PAQR7: variants seen among roughly 807,000 people sequenced by gnomAD.
The protein encoded by PAQR7 is membrane progestin receptor alpha.
A neutral mutation model predicts 24.6 loss-of-function variants in PAQR7; 14 were observed. That is an observed-to-expected ratio of 0.57 (90% CI 0.38 to 0.89). The LOEUF (loss-of-function observed/expected upper bound fraction) is 0.89, where lower values mean the gene tolerates loss of function less well. Among genes scored for constraint, PAQR7 ranks in the 40% least tolerant of loss-of-function variants. The pLI is 0.00. For synonymous variants in PAQR7, 189 were observed against 198.8 expected, an observed-to-expected ratio of 0.95 and a Z score of 0.42; for missense variants, 351 against 444.0, an observed-to-expected ratio of 0.79 and a Z score of 1.88.
At position 25,875,139 on chromosome 1, in the gene PAQR7, C is replaced by T. The variant is rs998261818; in HGVS notation, c.-109+349G>A. Among the ~76,000 whole-genome samples the T allele has an allele frequency of 1.2e-4, 19 of 152,278 alleles. No individual in the cohort carries two copies. The highest frequency in any genetic ancestry group is 3.8e-4 in the African/African-American group (16 of 41,570). On this transcript the variant is annotated intron_variant, in intron 1 of 2. Coordinates refer to ENST00000675840, the MANE Select transcript of PAQR7 (RefSeq NM_178422.6). The surrounding 1 kb of genome is among the most constrained non-coding windows in gnomAD (Gnocchi z 5.4). The stretch of plus-strand genomic sequence containing the variant: ...TCCTTCATTTTCTCCAAGCAGCCCT[C>T]CCCTCCCCTGCTCACTGGACAAACA...
At chr1:25,874,086 T>C (rs1031599102) in intron 1 of PAQR7, among the ~76,000 whole-genome samples, 8 of 152,092 alleles carry the variant, frequency 5.3e-5, no homozygotes, top group African/African-American at 1.9e-4. Context: ...TTTCTCCATG[T>C]TGGTCAGGCT....
In PAQR7 at chr1:25,861,942, G is replaced by T. The variant is rs1399886906; in HGVS notation, c.*857C>A. ...GAGGCAGGAAAATCGCTTGAACCTG[G>T]GAGGCGGAGGTGCAGTGAGCCGAGA... On this transcript the variant is annotated 3_prime_UTR_variant, in exon 3 of 3. Coordinates refer to ENST00000675840, the MANE Select transcript of PAQR7 (RefSeq NM_178422.6). 1 of 146,704 alleles carries T rather than the reference G, an allele frequency of 6.8e-6. No individual in the cohort carries two copies. Among genetic ancestry groups the T allele is most frequent in the Non-Finnish European group, 1.5e-5 (1 of 67,576 alleles). The allele number at this position is 146,704 out of a possible 1,614,324, so 9.1% of individuals were successfully genotyped here. A position where few individuals can be genotyped will look rare whatever the true frequency, so the allele number is the denominator to read the frequency against.
At chr1:25,874,310 G>A (rs943492170) in intron 1 of PAQR7, among the ~76,000 whole-genome samples, 1 of 151,924 alleles carries the variant, frequency 6.6e-6, no homozygotes, top group Non-Finnish European at 1.5e-5. Context: ...CTCCCAAAGC[G>A]CTGGGATTAT....
At position 25,862,943 on chromosome 1, in the gene PAQR7, G is replaced by A; in HGVS notation, c.897C>T (p.Ala299=). 6.2e-7 allele frequency: 1 copy of A among 1,614,176 alleles called. No homozygotes were observed. The highest frequency in any genetic ancestry group is 8.5e-7 in the Non-Finnish European group (1 of 1,180,050). Residue 299 remains alanine, a synonymous_variant, in exon 3 of 3, where the codon GCC becomes GCT. Coordinates refer to ENST00000675840, the MANE Select transcript of PAQR7 (RefSeq NM_178422.6). ...GCAGAGGCTCATAGATGGGCCGTCG[G>A]GCCTCATAGTCCAGTGCCACAGCCT... ...QLEAVALDYE[A]RRPIYEPLHT...
At chr1:25,866,150 C>A (rs2048555385) in intron 2 of PAQR7, among the ~76,000 whole-genome samples, 1 of 152,100 alleles carries the variant, frequency 6.6e-6, no homozygotes. Flanking sequence ...AGGCCCTCCC[C>A]CAACTGCCCA....
chr1:25,874,456 C>T (rs1284488419), intron 1 of PAQR7, among the ~76,000 whole-genome samples: 1 of 152,196 alleles, frequency 6.6e-6, no homozygotes, highest in East Asian at 1.9e-4. Context: ...TATAGTCACC[C>T]AGCATGGGGC....
chr1:25,865,986 CA>C (rs111451589), intron 2 of PAQR7, among the ~76,000 whole-genome samples: 13,180 of 97,364 alleles, frequency 0.14, 1,882 homozygotes, highest in African/African-American at 0.38. Flanking sequence ...AACTCCGTCT[CA>C]AAAAAAAAAA....
rs918294104 is a variant in PAQR7, at chr1:25,875,272, T to G, written c.-109+216A>C. Among the ~76,000 whole-genome samples the G allele has an allele frequency of 1.3e-5, 2 of 152,196 alleles. No homozygotes were observed. Among genetic ancestry groups the G allele is most frequent in the African/African-American group, 2.4e-5 (1 of 41,452 alleles). ...AGCTCCTCCTTCCTGCGCCCTCCGC[T>G]GGCTGCTTCCCCGGGCGGGCGTCCT... On this transcript the variant is annotated intron_variant, in intron 1 of 2. Coordinates refer to ENST00000675840, the MANE Select transcript of PAQR7 (RefSeq NM_178422.6). The surrounding 1 kb of genome is among the most constrained non-coding windows in gnomAD (Gnocchi z 5.4).
chr1:25,875,043 C>A lies in PAQR7; in HGVS notation c.-109+445G>T, dbSNP rs2048637822. 6.6e-6 allele frequency among the ~76,000 whole-genome samples: 1 copy of A among 152,216 alleles called. No homozygotes were observed. The highest frequency in any genetic ancestry group is 2.1e-4 in the South Asian group (1 of 4,836). The stretch of plus-strand genomic sequence containing the variant: ...CCTCCTCCAGAAAGCAGTGAGCTCC[C>A]TGACTGTCCTGCTCCAGGAAGGCAG... On this transcript the variant is annotated intron_variant, in intron 1 of 2. Coordinates refer to ENST00000675840, the MANE Select transcript of PAQR7 (RefSeq NM_178422.6). The surrounding 1 kb of genome is among the most constrained non-coding windows in gnomAD (Gnocchi z 5.4).
At position 25,863,929 on chromosome 1, in the gene PAQR7, C is replaced by A; in HGVS notation, c.-22-68G>T. 1 of 1,212,518 alleles carries A rather than the reference C, an allele frequency of 8.2e-7. No individual in the cohort carries two copies. The highest frequency in any genetic ancestry group is 2.5e-4 in the Middle Eastern group (1 of 4,026). The allele number at this position is 1,212,518 out of a possible 1,614,324, so 75.1% of individuals were successfully genotyped here. Reference sequence around the variant, plus strand: ...ACCCCCACGAGCAGCAGCTGGGGGGCTCTGATGCCCAAATCCTACTCCCTC... The same window carrying A: ...ACCCCCACGAGCAGCAGCTGGGGGGATCTGATGCCCAAATCCTACTCCCTC... On this transcript the variant is annotated intron_variant, in intron 2 of 2. Transcript: ENST00000675840. The surrounding 1 kb of genome is among the most constrained non-coding windows in gnomAD (Gnocchi z 6.1).
Position 25,863,042 on chromosome 1 carries a change from G to A in PAQR7, c.798C>T (p.Gly266=). Reference sequence around the variant, plus strand: ...GGCCCTGCCCGAAGACATGGCAGCTGCCAGGGAACCAGCGCTCGGGCATGA... The same window carrying A: ...GGCCCTGCCCGAAGACATGGCAGCTACCAGGGAACCAGCGCTCGGGCATGA... ...STFMPERWFP[G]SCHVFGQGHQ... The change falls in exon 3 of 3, where the codon GGC becomes GGT. Residue 266 remains glycine, a synonymous_variant. Coordinates refer to ENST00000675840, the MANE Select transcript of PAQR7 (RefSeq NM_178422.6). The surrounding 1 kb of genome is among the most constrained non-coding windows in gnomAD (Gnocchi z 6.1). 6.2e-7 allele frequency: 1 copy of A among 1,614,150 alleles called. No homozygotes were observed. Among genetic ancestry groups the A allele is most frequent in the Non-Finnish European group, 8.5e-7 (1 of 1,180,052 alleles).
chr1:25,868,716 A>C (rs1039402710), intron 2 of PAQR7, among the ~76,000 whole-genome samples: 6 of 151,332 alleles, frequency 4.0e-5, no homozygotes, highest in Non-Finnish European at 8.8e-5. Context: ...TCTCAAAAAA[A>C]AAAAAAAAAA....
intron 2 of PAQR7, among the ~76,000 whole-genome samples, chr1:25,869,901 C>T (rs1453417259): frequency 1.1e-4 from 16 of 152,166 alleles, no homozygotes; most frequent in African/African-American, 3.4e-4. Flanking sequence ...TCGCTTATAC[C>T]TCCCTCCCCC....
At position 25,862,868 on chromosome 1, in the gene PAQR7, G is replaced by A; in HGVS notation, c.972C>T (p.Gly324=). ...NFSGLFLLTV[G]SSILTAFLLS... is the part of the protein sequence containing the mutation. Reference sequence around the variant, plus strand: ...GGAGGAATGCAGTGAGGATGCTGCTGCCCACCGTGAGCAGGAAGAGGCCAG... The same window carrying A: ...GGAGGAATGCAGTGAGGATGCTGCTACCCACCGTGAGCAGGAAGAGGCCAG... The change falls in exon 3 of 3, where the codon GGC becomes GGT. Residue 324 remains glycine (G), a synonymous_variant. Transcript: ENST00000675840. The A allele has an allele frequency of 1.2e-6, 2 of 1,614,234 alleles. No homozygotes were observed.
In PAQR7 at chr1:25,863,888, G is replaced by C. The variant is rs749475669; in HGVS notation, c.-22-27C>G. On this transcript the variant is annotated intron_variant, in intron 2 of 2. Transcript: ENST00000675840. This position sits in a 1 kb window ranked among gnomAD's most constrained non-coding sequence, Gnocchi z 6.1. ...TGGGAGAGAGACCAGAGCAAAGTCA[G>C]GGGCCTGGTGTCCTCACCCCCACGA... 1.5e-5 allele frequency: 23 copies of C among 1,536,918 alleles called. No homozygotes were observed. Among genetic ancestry groups the C allele is most frequent in the Non-Finnish European group, 1.9e-5 (22 of 1,141,656 alleles).
intron 2 of PAQR7, among the ~76,000 whole-genome samples, chr1:25,866,259 A>G (rs1441039451): frequency 3.3e-5 from 5 of 151,832 alleles, no homozygotes; most frequent in African/African-American, 1.2e-4. Context: ...CCTAACCCCA[A>G]TGTCACACCC....
chr1:25,865,719 A>G (rs1486064651), intron 2 of PAQR7, among the ~76,000 whole-genome samples: 1 of 152,192 alleles, frequency 6.6e-6, no homozygotes, highest in Admixed American at 6.5e-5. Flanking sequence ...AGGCAGGAGA[A>G]TGGCATGAAC....
chr1:25,861,503 T>C lies in PAQR7; in HGVS notation c.*1296A>G, dbSNP rs2048510034. ...AAGAGGTGGCTACTGTCACAGTACT[T>C]TATTGCATCCAGGCCATAATCCAGA... On this transcript the variant is annotated 3_prime_UTR_variant, in exon 3 of 3. Transcript: ENST00000675840. 6.6e-6 allele frequency: 1 copy of C among 152,104 alleles called. No individual in the cohort carries two copies. Among genetic ancestry groups the C allele is most frequent in the Non-Finnish European group, 1.5e-5 (1 of 68,064 alleles). The allele number at this position is 152,104 out of a possible 1,614,324, so 9.4% of individuals were successfully genotyped here.
At position 25,863,858 on chromosome 1, in the gene PAQR7, G is replaced by T. The variant is rs756151959; in HGVS notation, c.-19C>A. ...TGGCCATGGCTGTGGGCCTGGGCAG[G>T]GAGCTGGGAGAGAGACCAGAGCAAA... On this transcript the variant is annotated 5_prime_UTR_variant, in exon 3 of 3. Coordinates refer to ENST00000675840, the MANE Select transcript of PAQR7 (RefSeq NM_178422.6). This position sits in a 1 kb window ranked among gnomAD's most constrained non-coding sequence, Gnocchi z 6.1. 2 of 1,594,466 alleles carry T rather than the reference G, an allele frequency of 1.3e-6. No individual in the cohort carries two copies. Among genetic ancestry groups the T allele is most frequent in the East Asian group, 4.5e-5 (2 of 44,626 alleles).
Sources: allele counts gnomAD v4.1 joint callset (sites outside exome capture counted in the v4.1 genomes callset), GRCh38; gene constraint gnomAD v4.1.1; non-coding constraint Gnocchi (gnomAD v3.1); transcripts MANE v1.5; gene names NCBI Gene and HGNC (gene_info 2026-07-23, HGNC 2026-07-21).